The following ADCY2 variants were observed in gnomAD, a reference collection of about 807,000 sequenced individuals.
ADCY2 encodes adenylate cyclase 2.
A neutral mutation model predicts 125.2 loss-of-function variants in ADCY2; 31 were observed. That is an observed-to-expected ratio of 0.25 (90% CI 0.19 to 0.33). ADCY2 has a LOEUF of 0.33. Among genes scored for constraint, ADCY2 ranks in the 10% least tolerant of loss-of-function variants. The probability of loss-of-function intolerance (pLI) is 1.00; values close to 1 mark genes in which losing one functional copy is unlikely to be tolerated. For missense variants in ADCY2, 904 were observed against 1,418.2 expected, an observed-to-expected ratio of 0.64 and a Z score of 5.82; for synonymous variants, 512 against 548.4, an observed-to-expected ratio of 0.93 and a Z score of 0.93.
At chr5:7,727,634 T>G (rs1741971404) in intron 14 of ADCY2, among the ~76,000 whole-genome samples, 1 of 152,142 alleles carries the variant, frequency 6.6e-6, no homozygotes, top group South Asian at 2.1e-4. Context: ...TATCTTATAT[T>G]GAAAGGGCAT....
intron 3 of ADCY2, among the ~76,000 whole-genome samples, chr5:7,557,559 T>A (rs556047179): frequency 6.6e-6 from 1 of 152,082 alleles, no homozygotes; most frequent in Non-Finnish European, 1.5e-5. Flanking sequence ...CCAGAGTGTG[T>A]TCCCCTCTTT....
chr5:7,820,805 G>A lies in ADCY2; in HGVS notation c.3123+116G>A, dbSNP rs1745273431. On this transcript the variant is annotated intron_variant, in intron 24 of 24. Transcript: ENST00000338316. The stretch of plus-strand genomic sequence containing the variant: ...AAAACAAAGGAAAAAAGTAAACCTT[G>A]AAATTTACTTATCTTTTGGAGAACA... 5.5e-6 allele frequency: 7 copies of A among 1,276,896 alleles called. No individual in the cohort carries two copies. In the African/African-American group the frequency reaches 7.7e-5, roughly 14 times the overall value. The allele number at this position is 1,276,896 out of a possible 1,614,324, so 79.1% of individuals were successfully genotyped here. A position where few individuals can be genotyped will look rare whatever the true frequency, so the allele number is the denominator to read the frequency against.
At chr5:7,657,834 C>T (rs1317351973) in intron 4 of ADCY2, among the ~76,000 whole-genome samples, 19 of 152,174 alleles carry the variant, frequency 1.2e-4, no homozygotes, top group Non-Finnish European at 1.6e-4. Flanking sequence ...TCAGCTGAAA[C>T]TTAGATGCCA....
chr5:7,459,582 C>G (rs1402175098), intron 2 of ADCY2, among the ~76,000 whole-genome samples: 1 of 151,968 alleles, frequency 6.6e-6, no homozygotes, highest in Non-Finnish European at 1.5e-5. Flanking sequence ...ACAGTATTGG[C>G]AACTTGAAGA....
chr5:7,713,713 C>T (rs944322734), intron 11 of ADCY2, among the ~76,000 whole-genome samples: 1 of 152,074 alleles, frequency 6.6e-6, no homozygotes, highest in African/African-American at 2.4e-5. Context: ...ATCTTTCGGG[C>T]ACAGAGTTTT....
chr5:7,645,828 G>C (rs945742235), intron 4 of ADCY2, among the ~76,000 whole-genome samples: 1 of 152,198 alleles, frequency 6.6e-6, no homozygotes, highest in Non-Finnish European at 1.5e-5. Flanking sequence ...AGCTTCTAGA[G>C]AGAAAATAAC....
intron 22 of ADCY2, among the ~76,000 whole-genome samples, chr5:7,814,351 C>T (rs369131900): frequency 1.8e-4 from 28 of 151,958 alleles, no homozygotes; most frequent in East Asian, 1.4e-3. Flanking sequence ...CCCCGCCCCC[C>T]GGAGCATTGT....
chr5:7,780,178 C>T (rs1013885082), intron 18 of ADCY2, among the ~76,000 whole-genome samples: 1 of 152,198 alleles, frequency 6.6e-6, no homozygotes, highest in African/African-American at 2.4e-5. Flanking sequence ...ATGGGACTGA[C>T]TTATTTTGCC....
chr5:7,499,394 T>C (rs1398954162), intron 2 of ADCY2, among the ~76,000 whole-genome samples: 1 of 152,040 alleles, frequency 6.6e-6, no homozygotes, highest in East Asian at 1.9e-4. Flanking sequence ...TTCTAGGTCT[T>C]GACTATACAA....
chr5:7,751,433 G>A (rs369792451), intron 15 of ADCY2, among the ~76,000 whole-genome samples: 5 of 152,246 alleles, frequency 3.3e-5, no homozygotes, highest in African/African-American at 1.2e-4. Flanking sequence ...CCAGCCCCCA[G>A]ATGGGACATC....
intron 15 of ADCY2, among the ~76,000 whole-genome samples, chr5:7,757,208 C>A (rs1184094254): frequency 6.6e-6 from 1 of 152,160 alleles, no homozygotes. Context: ...TTTTAAAAGA[C>A]ATACAAGCAC....
intron 15 of ADCY2, chr5:7,746,319 T>A (rs897903039): frequency 4.6e-5 from 7 of 152,278 alleles, no homozygotes; most frequent in Non-Finnish European, 1.0e-4. Flanking sequence ...CTCCCTCTAG[T>A]GGCCAGCTGC....
rs952969011 is a variant in ADCY2, at chr5:7,672,295, G to A, written c.721-18396G>A. 2.6e-5 allele frequency among the ~76,000 whole-genome samples: 4 copies of A among 152,176 alleles called. No homozygotes were observed. In the South Asian group the frequency reaches 6.2e-4, roughly 24 times the overall value. The stretch of plus-strand genomic sequence containing the variant: ...GGAGATAATAGTAAAAATGCCCTTC[G>A]GATGAAGGATATAAACTTTATTGTC... On this transcript the variant is annotated intron_variant, in intron 4 of 24. Coordinates refer to ENST00000338316, the MANE Select transcript of ADCY2 (RefSeq NM_020546.3).
At chr5:7,795,937 A>G (rs1744406955) in intron 20 of ADCY2, 1 of 152,214 alleles carries the variant, frequency 6.6e-6, no homozygotes, top group Non-Finnish European at 1.5e-5. Context: ...CAAAATGAGC[A>G]CATGCTGTTG....
chr5:7,821,206 A>T (rs1745288785), intron 24 of ADCY2, among the ~76,000 whole-genome samples: 1 of 152,238 alleles, frequency 6.6e-6, no homozygotes, highest in Admixed American at 6.5e-5. Flanking sequence ...ACAAATGAAA[A>T]GCAGTGGTTG....
In ADCY2 at chr5:7,742,310, T is replaced by C. The variant is rs866041909; in HGVS notation, c.1872-1358T>C. Among the ~76,000 whole-genome samples the C allele has an allele frequency of 5.9e-5, 9 of 152,076 alleles. No individual in the cohort carries two copies. The South Asian group carries it at 1.0e-3, about 18-fold the overall frequency. On this transcript the variant is annotated intron_variant, in intron 14 of 24. Transcript: ENST00000338316. ...CTGCTGCAGGATCACATCTTACTCA[T>C]CTTTGTGTCAGAACAGCCTAGCATG...
chr5:7,603,828 T>A (rs1737312087), intron 3 of ADCY2, among the ~76,000 whole-genome samples: 7 of 138,708 alleles, frequency 5.0e-5, no homozygotes, highest in Admixed American at 7.2e-5. Context: ...TTTTTTTTTT[T>A]ATTATACTCT....
chr5:7,463,619 A>T lies in ADCY2; in HGVS notation c.408+48849A>T, dbSNP rs1054635670. Reference sequence around the variant, plus strand: ...ATGCTGAGAGCACAAGGTGATAGATAAAAAAAAAAAAAAAAAAAAGAATGA... The same window carrying T: ...ATGCTGAGAGCACAAGGTGATAGATTAAAAAAAAAAAAAAAAAAAGAATGA... On this transcript the variant is annotated intron_variant, in intron 2 of 24. Transcript: ENST00000338316. Among the ~76,000 whole-genome samples, 23 of 40,072 alleles carry T rather than the reference A, an allele frequency of 5.7e-4. No homozygotes were observed. The South Asian group carries it at 7.3e-3, about 13-fold the overall frequency. 26.3% of individuals were successfully genotyped at this position (40,072 alleles called of 152,430 possible).
At chr5:7,431,830 T>C (rs1255765522) in intron 2 of ADCY2, among the ~76,000 whole-genome samples, 1 of 152,160 alleles carries the variant, frequency 6.6e-6, no homozygotes, top group African/African-American at 2.4e-5. Flanking sequence ...TATTCAGTAT[T>C]ACTGATAGGG....
Sources: gnomAD v4.1 joint callset for allele counts (sites outside exome capture counted in the v4.1 genomes callset) on GRCh38, gnomAD v4.1.1 for gene constraint, MANE v1.5 for transcripts, NCBI Gene and HGNC (gene_info 2026-07-23, HGNC 2026-07-21) for gene names.